The following AK9 variants were observed in gnomAD, a reference collection of about 807,000 sequenced individuals.
AK9 encodes the protein adenylate kinase 9.
AK9 carries 191 observed loss-of-function variants against 239.6 expected under a neutral mutation model. That is an observed-to-expected ratio of 0.80 (90% CI 0.71 to 0.90). The LOEUF is 0.90. Ranked by LOEUF, AK9 falls within the 40% of genes least tolerant of loss-of-function variation. The pLI, the probability that AK9 is intolerant of heterozygous loss-of-function variation, is 0.00. For synonymous variants in AK9, 689 were observed against 721.0 expected (o/e 0.96, Z 0.71); for missense variants, 1,995 against 2,214.7 (o/e 0.90, Z 1.99).
intron 29 of AK9, among the ~76,000 whole-genome samples, chr6:109,517,155 C>T (rs1235599339): frequency 6.6e-6 from 1 of 152,040 alleles, no homozygotes; most frequent in Admixed American, 6.5e-5. Flanking sequence ...CTGCTTCTTT[C>T]AAAGGGTCTG....
At chr6:109,592,995 G>C (rs960537242) in intron 17 of AK9, among the ~76,000 whole-genome samples, 1 of 151,812 alleles carries the variant, frequency 6.6e-6, no homozygotes, top group African/African-American at 2.4e-5. Flanking sequence ...TTCTCCTCTG[G>C]AATACCTATA....
At chr6:109,679,395 T>A (rs1772281336) in intron 1 of AK9, among the ~76,000 whole-genome samples, 1 of 151,900 alleles carries the variant, frequency 6.6e-6, no homozygotes, top group South Asian at 2.1e-4. Flanking sequence ...CCAGACTGCC[T>A]CTCTAGATTC....
chr6:109,668,419 A>G (rs987777073), intron 5 of AK9, among the ~76,000 whole-genome samples: 9 of 151,602 alleles, frequency 5.9e-5, no homozygotes, highest in African/African-American at 2.2e-4. Flanking sequence ...TCATTTGTCA[A>G]TTTTGACTTT....
intron 17 of AK9, among the ~76,000 whole-genome samples, chr6:109,604,177 G>A (rs1230581905): frequency 1.3e-5 from 2 of 152,166 alleles, no homozygotes; most frequent in African/African-American, 2.4e-5. Flanking sequence ...GCTGGGAGCT[G>A]TAGACTGGAG....
At chr6:109,577,021 G>A (rs915471602) in intron 20 of AK9, among the ~76,000 whole-genome samples, 14 of 151,996 alleles carry the variant, frequency 9.2e-5, no homozygotes, top group Non-Finnish European at 4.4e-5. Flanking sequence ...TAGTAGAGAC[G>A]GGGTTTCACC....
chr6:109,509,031 T>C (rs1438256354), intron 33 of AK9, 148 bp downstream of exon 33: 1 of 853,900 alleles, frequency 1.2e-6, no homozygotes, highest in African/African-American at 1.7e-5. Flanking sequence ...TTCAAATATG[T>C]AACCATATAG....
chr6:109,680,811 A>G, intron 1 of AK9, among the ~76,000 whole-genome samples: 1 of 152,222 alleles, frequency 6.6e-6, no homozygotes, highest in Non-Finnish European at 1.5e-5. Context: ...ACATTCTTAA[A>G]GAAAAGAATT....
At chr6:109,609,681 C>A (rs1333885029) in intron 17 of AK9, among the ~76,000 whole-genome samples, 1 of 152,168 alleles carries the variant, frequency 6.6e-6, no homozygotes, top group Non-Finnish European at 1.5e-5. Flanking sequence ...CATACTCTAA[C>A]ATCCTACATA....
At chr6:109,500,973 C>A (rs2128099804) in intron 35 of AK9, among the ~76,000 whole-genome samples, 1 of 151,198 alleles carries the variant, frequency 6.6e-6, no homozygotes, top group South Asian at 2.1e-4. Context: ...AGCCACTGCA[C>A]TCCAGGCTGG....
At chr6:109,511,457 T>C (rs1422823091) in intron 32 of AK9, among the ~76,000 whole-genome samples, 2 of 152,218 alleles carry the variant, frequency 1.3e-5, no homozygotes, top group Admixed American at 6.5e-5. Context: ...TCCAGTTTTA[T>C]AGATGAGGGG....
chr6:109,614,132 A>G, intron 15 of AK9, 51 bp downstream of exon 15: 1 of 1,470,774 alleles, frequency 6.8e-7, no homozygotes, highest in Non-Finnish European at 9.3e-7. Context: ...CAAATATGAA[A>G]TAAATGAAAA....
intron 35 of AK9, among the ~76,000 whole-genome samples, chr6:109,505,024 G>A (rs1350491901): frequency 2.6e-5 from 4 of 152,270 alleles, no homozygotes; most frequent in South Asian, 2.1e-4. Flanking sequence ...TTCCCAGTGC[G>A]ATCCCATCCA....
chr6:109,602,832 T>C (rs1403634639), intron 17 of AK9, among the ~76,000 whole-genome samples: 1 of 152,230 alleles, frequency 6.6e-6, no homozygotes, highest in Non-Finnish European at 1.5e-5. Context: ...TGATCTTTAA[T>C]CACTGATACC....
intron 32 of AK9, among the ~76,000 whole-genome samples, 180 bp from the exon 33 acceptor site, chr6:109,509,560 C>T (rs1289799257): frequency 6.6e-6 from 1 of 152,046 alleles, no homozygotes; most frequent in Admixed American, 6.5e-5. Flanking sequence ...TGCAGCTGCC[C>T]AAACCATGCT....
rs146484012 is a variant in AK9 at position 109,673,809 on chromosome 6, C to T, written c.181+389G>A. On this transcript the variant is annotated intron_variant, in intron 3 of 40. Transcript: ENST00000424296. ...AACAAAACTAGGACAAACAGAAGGG[C>T]AAAACATTATTGGATTGATAATGCT... 3.0e-3 allele frequency among the ~76,000 whole-genome samples: 449 copies of T among 151,774 alleles called. 4 individuals are homozygous for T. The highest frequency in any genetic ancestry group is 9.8e-3 in the African/African-American group (405 of 41,432).
intron 17 of AK9, among the ~76,000 whole-genome samples, chr6:109,596,176 T>C (rs1437775974): frequency 6.6e-6 from 1 of 152,196 alleles, no homozygotes; most frequent in Non-Finnish European, 1.5e-5. Context: ...AGCTCTCTGT[T>C]GCCTTAGGCA....
chr6:109,544,323 C>A lies in AK9; in HGVS notation c.3225+1544G>T, dbSNP rs866668286. On this transcript the variant is annotated intron_variant, in intron 26 of 40. Transcript: ENST00000424296. The stretch of plus-strand genomic sequence containing the variant: ...TTCATTGTATAACTCCAGATAGAAG[C>A]CATGTAAGAGGTTAATACGGTTTGG... 2.6e-5 allele frequency among the ~76,000 whole-genome samples: 4 copies of A among 151,994 alleles called. No homozygotes were observed. In the South Asian group the frequency reaches 8.3e-4, roughly 32 times the overall value.
At position 109,516,449 on chromosome 6, in the gene AK9, T is replaced by C. The variant is rs973160740; in HGVS notation, c.3827A>G (p.His1276Arg). 37 of 1,551,018 alleles carry C rather than the reference T, an allele frequency of 2.4e-5. No homozygotes were observed. The highest frequency in any genetic ancestry group is 3.2e-5 in the Non-Finnish European group (37 of 1,146,866). ...AATAACCTGTATTATTTGTAAATTA[T>C]GTGTATCTGCTTCAAATTTTTCTCC... ...ELGEKFEADT[H>R]NLQIIQDELE... is the part of the protein sequence containing the mutation. Residue 1276 changes from histidine to arginine, a missense_variant, in exon 30 of 41, where the codon CAT becomes CGT. By Grantham distance (29) the His-to-Arg change is conservative. Around this residue, in one of 5 missense-constraint regions of AK9, gnomAD observed 1,290 missense variants for 1,392.7 expected, o/e 0.93. Coordinates refer to ENST00000424296, the MANE Select transcript of AK9 (RefSeq NM_001145128.3).
At chr6:109,620,368 G>A (rs1168988907) in intron 12 of AK9, among the ~76,000 whole-genome samples, 1 of 152,104 alleles carries the variant, frequency 6.6e-6, no homozygotes, top group Non-Finnish European at 1.5e-5. Flanking sequence ...GTATCTCATT[G>A]TAGATTAAAT....
Sources: gnomAD v4.1 joint callset for allele counts (sites outside exome capture counted in the v4.1 genomes callset) on GRCh38, gnomAD v4.1.1 for gene constraint, gnomAD v4.1.1 regional missense constraint, MANE v1.5 for transcripts, NCBI Gene and HGNC (gene_info 2026-07-23, HGNC 2026-07-21) for gene names.